The following GPR39 variants were observed in gnomAD, a reference collection of about 807,000 sequenced individuals.
The protein encoded by GPR39 is zinc sensing receptor.
A neutral mutation model predicts 18.4 loss-of-function variants in GPR39; 23 were observed. The ratio of observed to expected loss-of-function variants is 1.25; its 90% CI spans 0.90 to 1.77. GPR39 has a LOEUF of 1.77. GPR39 is among the 40% of genes most tolerant of loss of function. GPR39 has a pLI of 0.00. For synonymous variants in GPR39, 280 were observed against 257.9 expected (o/e 1.09, Z -0.82); for missense variants, 647 against 602.4 (o/e 1.07, Z -0.78).
Position 132,548,488 on chromosome 2 carries a change from G to A in GPR39, c.857-96613G>A, listed in dbSNP as rs552699309. On this transcript the variant is annotated intron_variant, in intron 1 of 1. Coordinates refer to ENST00000329321, the MANE Select transcript of GPR39 (RefSeq NM_001508.3). ...GCCCATGTGGTACCCTGTATTAGAT[G>A]TCTAATGGACAGACTTAGTGAATAA... 1.6e-4 allele frequency among the ~76,000 whole-genome samples: 24 copies of A among 152,338 alleles called. 1 individual carries two copies. The highest frequency in any genetic ancestry group is 5.5e-4 in the African/African-American group (23 of 41,580).
intron 1 of GPR39, among the ~76,000 whole-genome samples, chr2:132,464,129 A>C (rs1680880899): frequency 6.6e-6 from 1 of 152,226 alleles, no homozygotes; most frequent in African/African-American, 2.4e-5. Context: ...AAAATCACGT[A>C]GTTCTTATTT....
chr2:132,416,858 G>C lies in GPR39; in HGVS notation c.-185G>C. On this transcript the variant is annotated 5_prime_UTR_variant, in exon 1 of 2. Transcript: ENST00000329321. ...GCGCCTCCTGGGCCTCTCCTAGGTT[G>C]GGCTGCTCCAGCAAGTTTCCATGAA... 1.3e-6 allele frequency: 1 copy of C among 748,176 alleles called. No individual in the cohort carries two copies. The highest frequency in any genetic ancestry group is 1.9e-5 in the South Asian group (1 of 53,392). 46.3% of individuals were successfully genotyped at this position (748,176 alleles called of 1,614,324 possible). A position where few individuals can be genotyped will look rare whatever the true frequency, so the allele number is the denominator to read the frequency against.
intron 1 of GPR39, among the ~76,000 whole-genome samples, chr2:132,489,578 C>T (rs1681417074): frequency 6.6e-6 from 1 of 151,972 alleles, no homozygotes; most frequent in Non-Finnish European, 1.5e-5. Flanking sequence ...AGTGTGGCTG[C>T]AGGTACCGGG....
intron 1 of GPR39, among the ~76,000 whole-genome samples, chr2:132,577,711 CT>C (rs1257909535): frequency 3.3e-5 from 5 of 152,064 alleles, no homozygotes; most frequent in Non-Finnish European, 7.4e-5. Context: ...AAATGCAGTA[CT>C]TTTTTTGTGT....
chr2:132,644,934 T>C, intron 1 of GPR39, 167 bp from the exon 2 acceptor site: 1 of 713,090 alleles, frequency 1.4e-6, no homozygotes, highest in Non-Finnish European at 2.3e-6. Context: ...TCTCTCTTGC[T>C]TGTGGCAAAA....
At chr2:132,567,968 G>A (rs1432834965) in intron 1 of GPR39, among the ~76,000 whole-genome samples, 1 of 152,080 alleles carries the variant, frequency 6.6e-6, no homozygotes, top group Admixed American at 6.5e-5. Flanking sequence ...CCCCAGCCAT[G>A]TGGAACTGTA....
chr2:132,633,717 G>A (rs1681694382), intron 1 of GPR39, among the ~76,000 whole-genome samples: 1 of 152,080 alleles, frequency 6.6e-6, no homozygotes, highest in Non-Finnish European at 1.5e-5. Context: ...GTTGGTAGAG[G>A]TGTTAATGAT....
intron 1 of GPR39, among the ~76,000 whole-genome samples, chr2:132,489,937 G>T (rs550681245): frequency 6.6e-6 from 1 of 152,018 alleles, no homozygotes; most frequent in South Asian, 2.1e-4. Flanking sequence ...GAGCTTGCAG[G>T]CAGAGGATCA....
chr2:132,488,550 A>G (rs965960219), intron 1 of GPR39: 1 of 153,514 alleles, frequency 6.5e-6, no homozygotes, highest in African/African-American at 2.4e-5. Context: ...GTAAGCCCAC[A>G]TTTACTCAGC....
intron 1 of GPR39, among the ~76,000 whole-genome samples, chr2:132,512,804 A>C (rs1160544410): frequency 6.6e-6 from 1 of 152,254 alleles, no homozygotes; most frequent in East Asian, 1.9e-4. Flanking sequence ...TTTACAGTAC[A>C]CACATGTATT....
chr2:132,638,062 AGAG>A (rs1681794838), intron 1 of GPR39, among the ~76,000 whole-genome samples: 1 of 152,164 alleles, frequency 6.6e-6, no homozygotes, highest in Non-Finnish European at 1.5e-5. Context: ...ATGTACAGAA[AGAG>A]GAGAAATGGA....
intron 1 of GPR39, among the ~76,000 whole-genome samples, chr2:132,623,412 G>C (rs749876417): frequency 2.6e-5 from 4 of 152,218 alleles, no homozygotes. Context: ...AGGAGAGAGG[G>C]ACAGTAAAGA....
chr2:132,557,186 G>T (rs967543841), intron 1 of GPR39, among the ~76,000 whole-genome samples: 1 of 152,120 alleles, frequency 6.6e-6, no homozygotes, highest in African/African-American at 2.4e-5. Flanking sequence ...GGGCATATTG[G>T]TGGGCACCTG....
chr2:132,565,387 A>G (rs1407369039), intron 1 of GPR39, among the ~76,000 whole-genome samples: 1 of 131,956 alleles, frequency 7.6e-6, no homozygotes, highest in Non-Finnish European at 1.6e-5. Flanking sequence ...AAGCAGTGAG[A>G]TGAGTTTCCT....
At chr2:132,452,643 A>C (rs1348280398) in intron 1 of GPR39, among the ~76,000 whole-genome samples, 1 of 149,860 alleles carries the variant, frequency 6.7e-6, no homozygotes, top group South Asian at 2.2e-4. Flanking sequence ...CCACCCCCCA[A>C]TAGGCCCCAG....
chr2:132,497,363 G>A (rs748815904), intron 1 of GPR39, among the ~76,000 whole-genome samples: 1 of 151,536 alleles, frequency 6.6e-6, no homozygotes, highest in Non-Finnish European at 1.5e-5. Flanking sequence ...TGTTTGTAGG[G>A]CCCAATGAGA....
intron 1 of GPR39, among the ~76,000 whole-genome samples, chr2:132,512,089 G>A (rs1361500257): frequency 6.6e-6 from 1 of 152,144 alleles, no homozygotes; most frequent in Non-Finnish European, 1.5e-5. Flanking sequence ...TTCCAAGGGT[G>A]TTAGGCTGTA....
At chr2:132,554,466 G>A (rs980889250) in intron 1 of GPR39, among the ~76,000 whole-genome samples, 1 of 152,174 alleles carries the variant, frequency 6.6e-6, no homozygotes, top group African/African-American at 2.4e-5. Flanking sequence ...TCATGAGTTT[G>A]TGGTAAGGAA....
Position 132,646,472 on chromosome 2 carries a change from C to G in GPR39, c.*866C>G, listed in dbSNP as rs1438716750. On this transcript the variant is annotated 3_prime_UTR_variant, in exon 2 of 2. Transcript: ENST00000329321. ...ATGGTGAAAGAGACAGGCACTATTTCATTAGTTTTAACAAAACTGTTCCAA... is the reference window on the plus strand; with the variant it reads ...ATGGTGAAAGAGACAGGCACTATTTGATTAGTTTTAACAAAACTGTTCCAA... 1.2e-5 allele frequency: 5 copies of G among 406,706 alleles called. 1 individual carries two copies. Among genetic ancestry groups the G allele is most frequent in the Non-Finnish European group, 2.2e-5 (5 of 231,538 alleles). The allele number at this position is 406,706 out of a possible 1,614,324, so 25.2% of individuals were successfully genotyped here.
Sources: gnomAD v4.1 joint callset for allele counts (sites outside exome capture counted in the v4.1 genomes callset) on GRCh38, gnomAD v4.1.1 for gene constraint, MANE v1.5 for transcripts, NCBI Gene and HGNC (gene_info 2026-07-23, HGNC 2026-07-21) for gene names.